NTRK1: variants seen among roughly 807,000 people sequenced by gnomAD.
NTRK1 encodes the protein high affinity nerve growth factor receptor.
A neutral mutation model predicts 86.8 loss-of-function variants in NTRK1; 62 were observed. That is an observed-to-expected ratio of 0.71 (90% confidence interval 0.58 to 0.88). The LOEUF (loss-of-function observed/expected upper bound fraction) is 0.88. NTRK1 is among the 40% of genes least tolerant of loss of function. The pLI is 0.00. For missense variants in NTRK1, 967 were observed against 1,078.4 expected (o/e 0.90, Z 1.45); for synonymous variants, 469 against 456.6 (o/e 1.03, Z -0.35).
chr1:156,855,193 T>TATCTATCTATC, intron 2 of NTRK1, among the ~76,000 whole-genome samples: 1 of 148,124 alleles, frequency 6.8e-6, no homozygotes, highest in African/African-American at 2.6e-5. Flanking sequence ...TCTATCTATC[T>TATCTATCTATC]ATCTATCTAT....
In NTRK1 at chr1:156,875,974, C is replaced by G. The variant is rs76886455; in HGVS notation, c.1502-106C>G. On this transcript the variant is annotated intron_variant, in intron 12 of 16. Transcript: ENST00000524377. ...GAATTTTAGCCCCCATGCAGTCCCT[C>G]GTCTGGGCAGCCTTGTGCAGCACAC... is the stretch of plus-strand genomic sequence containing the variant. 7.1e-6 allele frequency: 11 copies of G among 1,557,816 alleles called. No homozygotes were observed. In the South Asian group the frequency reaches 1.2e-4, roughly 17 times the overall value.
chr1:156,834,530 C>T (rs924169945), intron 1 of NTRK1, among the ~76,000 whole-genome samples: 1 of 152,148 alleles, frequency 6.6e-6, no homozygotes, highest in African/African-American at 2.4e-5. Flanking sequence ...TGGATGTGGG[C>T]TGGACCTCCA....
At chr1:156,873,611 T>A (rs1184532150) in intron 7 of NTRK1, 22 bp from the exon 8 acceptor site, 1 of 1,606,632 alleles carries the variant, frequency 6.2e-7, no homozygotes, top group Non-Finnish European at 8.5e-7. Flanking sequence ...GACCTCCTGC[T>A]GTTGCTCTTT....
intron 1 of NTRK1, chr1:156,815,953 G>A (rs1279597292): frequency 1.3e-6 from 2 of 1,568,736 alleles, no homozygotes; most frequent in South Asian, 1.1e-5. Context: ...CCCATGGGAG[G>A]GTGGGAGAGA....
intron 2 of NTRK1, chr1:156,853,869 C>T (rs200875065): frequency 2.8e-5 from 46 of 1,614,128 alleles, no homozygotes; most frequent in East Asian, 2.5e-4. Flanking sequence ...GCACACTCCT[C>T]GCCCAGCTTG....
chr1:156,847,375 G>A (rs1260182478), intron 2 of NTRK1, among the ~76,000 whole-genome samples: 3 of 152,242 alleles, frequency 2.0e-5, no homozygotes, highest in Non-Finnish European at 4.4e-5. Flanking sequence ...CAGTTTCGGG[G>A]CAGGGCTTGG....
At chr1:156,881,068 C>A (rs1648228579) in intron 16 of NTRK1, among the ~76,000 whole-genome samples, 2 of 152,170 alleles carry the variant, frequency 1.3e-5, no homozygotes, top group African/African-American at 2.4e-5. Flanking sequence ...GCTCTATTTT[C>A]TTTTCTCTCT....
At chr1:156,876,677 C>A in intron 14 of NTRK1, 105 bp downstream of exon 14, 2 of 1,379,472 alleles carry the variant, frequency 1.4e-6, no homozygotes, top group Non-Finnish European at 2.0e-6. Flanking sequence ...GGGGAGACAC[C>A]AAGAAAGATC....
chr1:156,873,329 A>T (rs928238635), intron 7 of NTRK1, among the ~76,000 whole-genome samples: 1 of 152,126 alleles, frequency 6.6e-6, no homozygotes, highest in African/African-American at 2.4e-5. Flanking sequence ...CAAAGACTCC[A>T]TGTTTAATTG....
chr1:156,864,646 T>G, intron 2 of NTRK1, 82 bp from the exon 3 acceptor site: 2 of 1,465,558 alleles, frequency 1.4e-6, no homozygotes, highest in Non-Finnish European at 1.9e-6. Flanking sequence ...CACAGGGGAC[T>G]GGGAGGCTGG....
Position 156,854,128 on chromosome 1 carries a change from A to T in NTRK1, c.51-10226A>T, listed in dbSNP as rs768530606. The T allele has an allele frequency of 6.2e-7, 1 of 1,614,154 alleles. No individual in the cohort carries two copies. The highest frequency in any genetic ancestry group is 2.2e-5 in the East Asian group (1 of 44,894). Reference sequence around the variant, plus strand: ...CGCGCAGGCTCTCCAGTCCGTAGACACGGAAGAGCAGCAGGTAGTCGGTGA... The same window carrying T: ...CGCGCAGGCTCTCCAGTCCGTAGACTCGGAAGAGCAGCAGGTAGTCGGTGA... On this transcript the variant is annotated intron_variant, in intron 2 of 16. Transcript: ENST00000392302. The surrounding 1 kb of genome is among the most constrained non-coding windows in gnomAD (Gnocchi z 4.2).
intron 2 of NTRK1, chr1:156,849,056 G>A: frequency 6.2e-7 from 1 of 1,611,584 alleles, no homozygotes; most frequent in South Asian, 1.1e-5. Flanking sequence ...GCCTGGGTGG[G>A]GCGAGGGGCC....
intron 1 of NTRK1, among the ~76,000 whole-genome samples, chr1:156,861,564 C>T (rs931927178): frequency 6.6e-6 from 1 of 152,196 alleles, no homozygotes; most frequent in African/African-American, 2.4e-5. Flanking sequence ...GCAAGCCAGC[C>T]CCCGCCCACT....
At chr1:156,860,247 C>A (rs973024922), upstream of NTRK1, among the ~76,000 whole-genome samples, 9 of 152,170 alleles carry the variant, frequency 5.9e-5, no homozygotes, top group African/African-American at 2.2e-4. Context: ...CGCCTTTGCG[C>A]GCGGGCTTCT....
rs139213408 is a variant in NTRK1, at chr1:156,878,571, T to C, written c.1806-551T>C. ...GGCAAAGGTTCAGGAGAAGGAACAT[T>C]GGGGAATATGGATGAGTGACTAGGA... On this transcript the variant is annotated intron_variant, in intron 14 of 16. Coordinates refer to ENST00000524377, the MANE Select transcript of NTRK1 (RefSeq NM_002529.4). Among the ~76,000 whole-genome samples, 600 of 152,250 alleles carry C rather than the reference T, an allele frequency of 3.9e-3. 3 individuals are homozygous for C. Among genetic ancestry groups the C allele is most frequent in the Middle Eastern group, 6.8e-3 (2 of 294 alleles).
At chr1:156,825,048 C>A (rs986695413) in intron 1 of NTRK1, among the ~76,000 whole-genome samples, 26 of 152,200 alleles carry the variant, frequency 1.7e-4, no homozygotes, top group African/African-American at 5.5e-4. Context: ...CGCCACCACG[C>A]CCGGCTAATT....
At position 156,842,469 on chromosome 1, in the gene NTRK1, G is replaced by C. The variant is rs758441295; in HGVS notation, c.50+276G>C. The stretch of plus-strand genomic sequence containing the variant: ...CGGGTCATTAACTCCATGATGACCA[G>C]AGTTGGCTGGCCCTGAGATACCACA... On this transcript the variant is annotated intron_variant, in intron 2 of 16. Transcript: ENST00000392302. The C allele has an allele frequency of 6.8e-6, 11 of 1,614,026 alleles. No individual in the cohort carries two copies. In the Admixed American group the frequency reaches 1.3e-4, roughly 20 times the overall value.
At chr1:156,820,534 A>C (rs1057103111) in intron 1 of NTRK1, among the ~76,000 whole-genome samples, 2 of 152,202 alleles carry the variant, frequency 1.3e-5, no homozygotes, top group African/African-American at 4.8e-5. Context: ...GGCGTGAGCC[A>C]CCACATCCAG....
intron 2 of NTRK1, chr1:156,849,541 G>A (rs1285742005): frequency 9.0e-7 from 1 of 1,105,840 alleles, no homozygotes; most frequent in African/African-American, 1.5e-5. Context: ...GGTTCCTCCT[G>A]GAAGGGTTTT....
Sources: gnomAD v4.1 joint callset for allele counts (sites outside exome capture counted in the v4.1 genomes callset) on GRCh38, gnomAD v4.1.1 for gene constraint, Gnocchi (gnomAD v3.1) non-coding constraint, MANE v1.5 for transcripts, NCBI Gene and HGNC (gene_info 2026-07-23, HGNC 2026-07-21) for gene names.